The following USP4 variants were observed in gnomAD, a reference collection of about 807,000 sequenced individuals.
USP4 encodes the protein ubiquitin carboxyl-terminal hydrolase 4.
A neutral mutation model predicts 118.2 loss-of-function variants in USP4; 72 were observed. The observed-to-expected ratio is 0.61, with a 90% confidence interval of 0.50 to 0.74. The LOEUF is 0.74. USP4 is among the 30% of genes least tolerant of loss of function. The probability of loss-of-function intolerance (pLI) is 0.00; values close to 1 mark genes in which losing one functional copy is unlikely to be tolerated. For missense variants in USP4, 1,037 were observed against 1,185.7 expected (o/e 0.87, Z 1.84); for synonymous variants, 415 against 440.4 (o/e 0.94, Z 0.72).
chr3:49,281,663 G>A (rs1293956332), intron 19 of USP4, among the ~76,000 whole-genome samples: 3 of 148,188 alleles, frequency 2.0e-5, no homozygotes, highest in South Asian at 2.1e-4. Flanking sequence ...GCAGTGAGCC[G>A]AGATCGTGCC....
chr3:49,289,699 C>A (rs2047132081), intron 15 of USP4, among the ~76,000 whole-genome samples: 1 of 151,498 alleles, frequency 6.6e-6, no homozygotes, highest in Admixed American at 6.6e-5. Context: ...GGTGAAACCC[C>A]ATCTCTACTA....
At chr3:49,311,678 T>C (rs770829751) in intron 6 of USP4, 24 bp from the exon 7 acceptor site, 18 of 1,612,166 alleles carry the variant, frequency 1.1e-5, no homozygotes, top group South Asian at 5.5e-5. Context: ...GCAGAAACAA[T>C]GCTACTGACT....
chr3:49,313,577 C>A (rs1237127692), intron 6 of USP4, among the ~76,000 whole-genome samples: 2 of 151,642 alleles, frequency 1.3e-5, no homozygotes, highest in Non-Finnish European at 2.9e-5. Context: ...CCCAAAAAGG[C>A]TGGATGCAAA....
intron 8 of USP4, among the ~76,000 whole-genome samples, chr3:49,309,488 C>T (rs1000402604): frequency 6.6e-6 from 1 of 152,102 alleles, no homozygotes; most frequent in African/African-American, 2.4e-5. Flanking sequence ...AAACTCCTGG[C>T]CTCAAGCAAT....
chr3:49,284,074 G>A lies in USP4; in HGVS notation c.2453C>T (p.Pro818Leu). 6.2e-7 allele frequency: 1 copy of A among 1,614,206 alleles called. No homozygotes were observed. Among genetic ancestry groups the A allele is most frequent in the Non-Finnish European group, 8.5e-7 (1 of 1,180,048 alleles). Residue 818 changes from proline (P) to leucine (L), a missense_variant, in exon 19 of 22, where the codon CCC becomes CTC. Coordinates refer to ENST00000265560, the MANE Select transcript of USP4 (RefSeq NM_003363.4). ...ATKKFDLWSLPKILVVHLKRF... is the reference protein window; with the variant it reads ...ATKKFDLWSLLKILVVHLKRF... ...TTTGAGGTGGACCACCAGGATCTTG[G>A]GCAAGGACCATAGGTCAAACTTTTT...
At chr3:49,339,842 C>A in intron 1 of USP4, 82 bp downstream of exon 1, 1 of 1,167,096 alleles carries the variant, frequency 8.6e-7, no homozygotes, top group South Asian at 1.3e-5. Context: ...CCCCGCCCAG[C>A]CCCTACTCTA....
chr3:49,310,772 A>C (rs1202695867), intron 7 of USP4, 35 bp from the exon 8 acceptor site: 8 of 1,522,184 alleles, frequency 5.3e-6, no homozygotes, highest in Non-Finnish European at 7.3e-6. Flanking sequence ...AATAAAAGCA[A>C]GTGCATAACA....
intron 16 of USP4, among the ~76,000 whole-genome samples, chr3:49,285,653 T>A (rs947908208): frequency 2.0e-5 from 3 of 152,060 alleles, no homozygotes; most frequent in Admixed American, 6.6e-5. Context: ...GAATGCCTCT[T>A]CCTGTCTGTA....
intron 20 of USP4, among the ~76,000 whole-genome samples, chr3:49,280,421 C>A (rs1457090485): frequency 6.6e-6 from 1 of 150,384 alleles, no homozygotes. Flanking sequence ...ATTAGCCAGG[C>A]GTGGTGGCGG....
intron 15 of USP4, among the ~76,000 whole-genome samples, chr3:49,290,401 G>A (rs1036557068): frequency 6.6e-6 from 1 of 152,090 alleles, no homozygotes; most frequent in African/African-American, 2.4e-5. Flanking sequence ...CCAACAAAGT[G>A]GACTCCATAT....
chr3:49,278,778 G>C, intron 21 of USP4, 36 bp downstream of exon 21: 1 of 1,462,610 alleles, frequency 6.8e-7, no homozygotes, highest in Non-Finnish European at 9.5e-7. Flanking sequence ...AATCCATAAC[G>C]ACATGAGGAA....
chr3:49,290,808 C>G (rs972490510), intron 15 of USP4, among the ~76,000 whole-genome samples: 8 of 152,212 alleles, frequency 5.3e-5, no homozygotes, highest in African/African-American at 1.9e-4. Flanking sequence ...AGCCATCGCA[C>G]CCGTCTGCAA....
Position 49,277,979 on chromosome 3 carries a change from T to TG in USP4, c.*313dup, listed in dbSNP as rs1171037056. 2.3e-6 allele frequency: 1 copy of TG among 434,776 alleles called. No homozygotes were observed. The allele number at this position is 434,776 out of a possible 1,614,324, so 26.9% of individuals were successfully genotyped here. On this transcript the variant is annotated 3_prime_UTR_variant, in exon 22 of 22. Transcript: ENST00000265560. Reference sequence around the variant, plus strand: ...TCCAGGCTGCTCCATACTCAGCGCCTGTGTTCCTCTCCATTCTTCGGGATC... The same window carrying TG: ...TCCAGGCTGCTCCATACTCAGCGCCTGGTGTTCCTCTCCATTCTTCGGGATC...
chr3:49,278,782 T>A, intron 21 of USP4, 32 bp downstream of exon 21: 1 of 1,489,206 alleles, frequency 6.7e-7, no homozygotes, highest in Non-Finnish European at 9.3e-7. Context: ...CATAACGACA[T>A]GAGGAAGAAC....
chr3:49,302,278 C>G, intron 10 of USP4, 106 bp downstream of exon 10: 1 of 1,349,822 alleles, frequency 7.4e-7, no homozygotes. Context: ...TGAGAAGCAA[C>G]CAGGGCCCTG....
chr3:49,278,769 A>G, intron 21 of USP4, 45 bp downstream of exon 21: 1 of 1,417,870 alleles, frequency 7.1e-7, no homozygotes, highest in Non-Finnish European at 9.8e-7. Flanking sequence ...CCCAGCTTTA[A>G]TCCATAACGA....
chr3:49,317,473 G>T (rs773242618), intron 6 of USP4: 1 of 689,048 alleles, frequency 1.5e-6, no homozygotes, highest in South Asian at 1.7e-5. Context: ...CATCTCCTGG[G>T]GCCCCCTATT....
In USP4 at chr3:49,329,043, T is replaced by C. The variant is rs893544963; in HGVS notation, c.230-1227A>G. Among the ~76,000 whole-genome samples the C allele has an allele frequency of 5.3e-5, 8 of 151,328 alleles. No homozygotes were observed. The East Asian group carries it at 1.2e-3, about 22-fold the overall frequency. On this transcript the variant is annotated intron_variant, in intron 2 of 21. Transcript: ENST00000265560. ...AAACACAAAAATTAGCTGGGCATGG[T>C]GGTGCACACCTGTAGCCCAGCTACT...
At chr3:49,298,748 G>A (rs889463544) in intron 11 of USP4, 113 bp from the exon 12 acceptor site, 6 of 908,158 alleles carry the variant, frequency 6.6e-6, no homozygotes, top group Non-Finnish European at 9.2e-6. Context: ...ACAATGTATG[G>A]TGAGGTCAGG....
Sources: allele counts gnomAD v4.1 joint callset (sites outside exome capture counted in the v4.1 genomes callset), GRCh38; gene constraint gnomAD v4.1.1; transcripts MANE v1.5; gene names NCBI Gene and HGNC (gene_info 2026-07-23, HGNC 2026-07-21).